The following RABGAP1L variants were observed in gnomAD, a reference collection of about 807,000 sequenced individuals.
The protein encoded by RABGAP1L is rab GTPase-activating protein 1-like.
A neutral mutation model predicts 137.7 loss-of-function variants in RABGAP1L; 63 were observed. The observed-to-expected ratio is 0.46, with a 90% CI of 0.37 to 0.56. The LOEUF (loss-of-function observed/expected upper bound fraction) is 0.56, where lower values mean the gene tolerates loss of function less well. Among genes scored for constraint, RABGAP1L ranks in the 20% least tolerant of loss-of-function variants. The pLI is 0.00. For synonymous variants in RABGAP1L, 431 were observed against 433.7 expected (o/e 0.99, Z 0.08); for missense variants, 1,095 against 1,244.0 (o/e 0.88, Z 1.80).
intron 17 of RABGAP1L, among the ~76,000 whole-genome samples, chr1:174,723,742 A>G (rs1260137464): frequency 1.3e-5 from 2 of 152,162 alleles, no homozygotes; most frequent in East Asian, 1.9e-4. Context: ...TTTTTTTCAC[A>G]TGTTTAAGTA....
intron 13 of RABGAP1L, among the ~76,000 whole-genome samples, chr1:174,636,625 A>G (rs1013318642): frequency 2.6e-5 from 4 of 152,098 alleles, no homozygotes; most frequent in African/African-American, 9.7e-5. Context: ...AAAGATTGAC[A>G]GTATTTTTAC....
intron 17 of RABGAP1L, among the ~76,000 whole-genome samples, chr1:174,719,850 A>G (rs1046873310): frequency 6.6e-6 from 1 of 152,140 alleles, no homozygotes. Flanking sequence ...GGTAGGAGTG[A>G]CTCCAAATCA....
chr1:174,776,908 T>C (rs1193524325), intron 18 of RABGAP1L, among the ~76,000 whole-genome samples: 1 of 152,224 alleles, frequency 6.6e-6, no homozygotes, highest in Non-Finnish European at 1.5e-5. Context: ...TATCCTTAAA[T>C]TACTGTACTT....
At chr1:174,269,874 A>G (rs906105174) in intron 7 of RABGAP1L, among the ~76,000 whole-genome samples, 2 of 152,190 alleles carry the variant, frequency 1.3e-5, no homozygotes, top group African/African-American at 4.8e-5. Context: ...TACCTTATCT[A>G]TAGAGTTAAT....
intron 17 of RABGAP1L, among the ~76,000 whole-genome samples, chr1:174,739,004 C>CT (rs1558034334): frequency 6.6e-6 from 1 of 152,136 alleles, no homozygotes; most frequent in African/African-American, 2.4e-5. Context: ...ATTCTTCCAT[C>CT]TTTTTTTAAA....
chr1:174,683,688 T>A, intron 15 of RABGAP1L, 92 bp downstream of exon 15: 1 of 982,078 alleles, frequency 1.0e-6, no homozygotes, highest in Middle Eastern at 2.2e-4. Context: ...TTCCCATTTA[T>A]CTGATGGAGA....
rs1553319718 is a variant in RABGAP1L at position 174,516,166 on chromosome 1, C to CACAT, written c.1711-121209_1711-121208insACAT. ...ACACACACACACACACACACACACACGCTTTGAGATAGGGTCTCGCTCTGT... is the reference window on the plus strand; with the variant it reads ...ACACACACACACACACACACACACACACATGCTTTGAGATAGGGTCTCGCTCTGT... On this transcript the variant is annotated intron_variant, in intron 13 of 25. Transcript: ENST00000681986. 9.9e-3 allele frequency among the ~76,000 whole-genome samples: 1,476 copies of CACAT among 149,844 alleles called. 43 individuals carry two copies. The highest frequency in any genetic ancestry group is 0.031 in the African/African-American group (1,260 of 40,178).
chr1:174,166,112 G>A (rs1380031590), intron 1 of RABGAP1L, among the ~76,000 whole-genome samples: 1 of 152,172 alleles, frequency 6.6e-6, no homozygotes, highest in East Asian at 1.9e-4. Flanking sequence ...GAGCACATAA[G>A]TATCCTTAGA....
intron 13 of RABGAP1L, among the ~76,000 whole-genome samples, chr1:174,454,239 GCA>G (rs1213750926): frequency 0.017 from 2,600 of 152,176 alleles, 65 homozygotes; most frequent in African/African-American, 0.06. Context: ...CTCCAGCCTG[GCA>G]ACAGAGTGAG....
chr1:174,680,234 A>G (rs970711172), intron 14 of RABGAP1L, among the ~76,000 whole-genome samples: 1 of 152,220 alleles, frequency 6.6e-6, no homozygotes, highest in African/African-American at 2.4e-5. Flanking sequence ...TGAAATGCTA[A>G]CCACCAAGGT....
Position 174,550,885 on chromosome 1 carries a change from T to TAC in RABGAP1L, c.1711-86489_1711-86488insCA, listed in dbSNP as rs1418680665. Among the ~76,000 whole-genome samples, 160 of 54,270 alleles carry TAC rather than the reference T, an allele frequency of 2.9e-3. 11 individuals are homozygous for TAC. Among genetic ancestry groups the TAC allele is most frequent in the African/African-American group, 0.015 (150 of 9,930 alleles). 35.6% of individuals were successfully genotyped at this position (54,270 alleles called of 152,430 possible). A position where few individuals can be genotyped will look rare whatever the true frequency, so the allele number is the denominator to read the frequency against. On this transcript the variant is annotated intron_variant, in intron 13 of 25. Transcript: ENST00000681986. ...ATATATATATATATATATATATATA[T>TAC]ATATATATATACACACACACATATA...
At chr1:174,889,691 A>G (rs1655800309) in intron 19 of RABGAP1L, among the ~76,000 whole-genome samples, 1 of 151,910 alleles carries the variant, frequency 6.6e-6, no homozygotes, top group Non-Finnish European at 1.5e-5. Flanking sequence ...TCAGCCTCTC[A>G]TAGTGCTGGG....
At chr1:174,811,797 A>T in intron 18 of RABGAP1L, 35 bp from the exon 19 acceptor site, 1 of 1,489,450 alleles carries the variant, frequency 6.7e-7, no homozygotes, top group South Asian at 1.5e-5. Flanking sequence ...AAGCAGGCTG[A>T]AATGTAATGA....
chr1:174,739,771 T>C (rs1304286653), intron 17 of RABGAP1L, among the ~76,000 whole-genome samples: 1 of 152,198 alleles, frequency 6.6e-6, no homozygotes, highest in African/African-American at 2.4e-5. Context: ...CATTGTAAAA[T>C]GGAGGTAATT....
intron 13 of RABGAP1L, among the ~76,000 whole-genome samples, chr1:174,551,006 A>G (rs1333048606): frequency 1.6e-5 from 2 of 124,192 alleles, no homozygotes; most frequent in African/African-American, 7.4e-5. Context: ...ACACATATAT[A>G]TATATATATA....
chr1:174,665,342 T>G (rs1333961472), intron 14 of RABGAP1L, among the ~76,000 whole-genome samples: 1 of 151,862 alleles, frequency 6.6e-6, no homozygotes, highest in Non-Finnish European at 1.5e-5. Context: ...CTGCCTTCCT[T>G]CCTTCCTTCT....
chr1:174,383,544 C>T (rs540926447), intron 12 of RABGAP1L, among the ~76,000 whole-genome samples: 81 of 152,280 alleles, frequency 5.3e-4, no homozygotes, highest in African/African-American at 1.9e-3. Context: ...GTGGGAGTGA[C>T]CCGATTTTCC....
At chr1:174,530,146 A>C in intron 13 of RABGAP1L, among the ~76,000 whole-genome samples, 1 of 143,252 alleles carries the variant, frequency 7.0e-6, no homozygotes, top group Non-Finnish European at 1.5e-5. Flanking sequence ...CAGGCAGCCT[A>C]GGCCTCTCCA....
At chr1:174,585,437 A>C (rs1027138361) in intron 13 of RABGAP1L, among the ~76,000 whole-genome samples, 14 of 152,156 alleles carry the variant, frequency 9.2e-5, no homozygotes, top group African/African-American at 3.4e-4. Flanking sequence ...AAATAAATCA[A>C]GTTTTCCCCA....
Sources: gnomAD v4.1 joint callset for allele counts (sites outside exome capture counted in the v4.1 genomes callset) on GRCh38, gnomAD v4.1.1 for gene constraint, MANE v1.5 for transcripts, NCBI Gene and HGNC (gene_info 2026-07-23, HGNC 2026-07-21) for gene names.